The following STX8 variants were observed in gnomAD, a reference collection of about 807,000 sequenced individuals.
STX8 encodes the protein syntaxin 8.
A neutral mutation model predicts 37.5 loss-of-function variants in STX8; 23 were observed. The observed-to-expected ratio is 0.61, with a 90% CI of 0.44 to 0.87. STX8 has a LOEUF of 0.87. Among genes scored for constraint, STX8 ranks in the 40% least tolerant of loss-of-function variants. The pLI is 0.00. For missense variants in STX8, 313 were observed against 284.7 expected, an observed-to-expected ratio of 1.10 and a Z score of -0.71; for synonymous variants, 115 against 99.1, an observed-to-expected ratio of 1.16 and a Z score of -0.95.
intron 7 of STX8, among the ~76,000 whole-genome samples, chr17:9,305,196 G>A (rs1422475313): frequency 6.6e-6 from 1 of 152,002 alleles, no homozygotes; most frequent in African/African-American, 2.4e-5. Context: ...GGGTTCAAGC[G>A]ATTCTCCTGC....
intron 7 of STX8, among the ~76,000 whole-genome samples, chr17:9,343,778 T>C (rs942540373): frequency 6.6e-6 from 1 of 152,100 alleles, no homozygotes; most frequent in African/African-American, 2.4e-5. Context: ...CCTCCCCATC[T>C]GCCGGATAGG....
chr17:9,534,073 AT>A (rs1905927986), intron 4 of STX8, among the ~76,000 whole-genome samples: 1 of 152,224 alleles, frequency 6.6e-6, no homozygotes, highest in Non-Finnish European at 1.5e-5. Context: ...TTAAAAAGAA[AT>A]AACTGAAAAA....
intron 6 of STX8, among the ~76,000 whole-genome samples, chr17:9,468,583 C>T (rs1051614163): frequency 5.9e-5 from 9 of 152,222 alleles, no homozygotes; most frequent in Non-Finnish European, 1.2e-4. Flanking sequence ...CAATATCCCA[C>T]GTGTGGCAGG....
At chr17:9,559,760 A>ATATATATATATATATATATATTT in intron 2 of STX8, among the ~76,000 whole-genome samples, 1 of 24,492 alleles carries the variant, frequency 4.1e-5, no homozygotes, top group African/African-American at 1.9e-4. Context: ...ATATATATAT[A>ATATATATATATATATATATATTT]TTTTTTTTTT....
At chr17:9,494,232 G>C (rs973403021) in intron 5 of STX8, among the ~76,000 whole-genome samples, 2 of 151,594 alleles carry the variant, frequency 1.3e-5, no homozygotes, top group African/African-American at 4.8e-5. Context: ...AGCCAGGATG[G>C]TCTCGAGCTC....
chr17:9,494,615 CAAAAAAAAAA>C (rs35806606), intron 5 of STX8, among the ~76,000 whole-genome samples: 13 of 64,310 alleles, frequency 2.0e-4, no homozygotes, highest in East Asian at 1.9e-3. Flanking sequence ...GAACCTGTCT[CAAAAAAAAAA>C]AAAAAAAAAA....
intron 7 of STX8, among the ~76,000 whole-genome samples, chr17:9,324,151 CACACAA>C (rs1217245536): frequency 2.9e-3 from 416 of 141,432 alleles, no homozygotes; most frequent in Middle Eastern, 0.011. Flanking sequence ...CACACACACA[CACACAA>C]ACACAAACAC....
Position 9,559,760 on chromosome 17 carries a change from A to ATATATTTTTTTT in STX8, c.118-2233_118-2232insAAAAAAAATATA. On this transcript the variant is annotated intron_variant, in intron 2 of 7. Coordinates refer to ENST00000306357, the MANE Select transcript of STX8 (RefSeq NM_004853.3). ...TATATATATATATATATATATATAT[A>ATATATTTTTTTT]TTTTTTTTTTTTTTTTTTTTGAGAC... 8.0e-3 allele frequency among the ~76,000 whole-genome samples: 197 copies of ATATATTTTTTTT among 24,496 alleles called. 12 individuals carry two copies. The East Asian group carries it at 0.086, about 11-fold the overall frequency. 16.1% of individuals were successfully genotyped at this position (24,496 alleles called of 152,430 possible). A position where few individuals can be genotyped will look rare whatever the true frequency, so the allele number is the denominator to read the frequency against.
At chr17:9,397,373 G>A (rs1912440574) in intron 6 of STX8, among the ~76,000 whole-genome samples, 2 of 152,302 alleles carry the variant, frequency 1.3e-5, no homozygotes, top group South Asian at 4.1e-4. Context: ...TCCAGCCTGG[G>A]TGACAAGAGC....
intron 7 of STX8, among the ~76,000 whole-genome samples, chr17:9,268,721 AC>A (rs909137334): frequency 2.0e-5 from 3 of 152,086 alleles, no homozygotes; most frequent in African/African-American, 7.2e-5. Context: ...GTGCTCTTCA[AC>A]CCCGACTCAG....
chr17:9,345,474 T>C (rs539665492), intron 7 of STX8, among the ~76,000 whole-genome samples: 3 of 152,112 alleles, frequency 2.0e-5, no homozygotes, highest in Non-Finnish European at 2.9e-5. Context: ...CTTTACCTGG[T>C]TGCCATTTGA....
chr17:9,568,306 T>C (rs374364184), intron 2 of STX8, 65 bp downstream of exon 2: 103 of 1,211,970 alleles, frequency 8.5e-5, no homozygotes, highest in African/African-American at 6.7e-4. Flanking sequence ...CAAAGAAAGA[T>C]AGGAGGGTTT....
At position 9,562,975 on chromosome 17, in the gene STX8, C is replaced by T. The variant is rs73252153; in HGVS notation, c.117+5396G>A. 8.3e-3 allele frequency among the ~76,000 whole-genome samples: 1,258 copies of T among 152,134 alleles called. 19 individuals carry two copies. The highest frequency in any genetic ancestry group is 0.029 in the African/African-American group (1,210 of 41,494). On this transcript the variant is annotated intron_variant, in intron 2 of 7. Transcript: ENST00000306357. ...GTTATTCACAACTCAAGACTGGAAG[C>T]AATTTAACTGCCTTTCCTTAGGAGA...
chr17:9,441,508 T>C (rs1175261790), intron 6 of STX8, among the ~76,000 whole-genome samples: 1 of 149,972 alleles, frequency 6.7e-6, no homozygotes, highest in African/African-American at 2.5e-5. Flanking sequence ...AAAAAGAAAC[T>C]GAGTCAAATA....
intron 7 of STX8, among the ~76,000 whole-genome samples, chr17:9,371,650 T>C (rs768685364): frequency 2.0e-5 from 3 of 149,326 alleles, no homozygotes; most frequent in Non-Finnish European, 3.0e-5. Context: ...TTTTTTTTTC[T>C]TTCTTCTGGT....
At chr17:9,504,334 GT>G (rs1295686232) in intron 5 of STX8, among the ~76,000 whole-genome samples, 2 of 147,584 alleles carry the variant, frequency 1.4e-5, no homozygotes, top group African/African-American at 2.5e-5. Flanking sequence ...ATATAAGAAA[GT>G]TTAAAAAAAA....
intron 7 of STX8, among the ~76,000 whole-genome samples, chr17:9,310,672 G>A (rs980441782): frequency 1.3e-5 from 2 of 152,112 alleles, no homozygotes; most frequent in Non-Finnish European, 2.9e-5. Context: ...GGTGGTCCAC[G>A]GAGATCTGTT....
chr17:9,326,441 C>A (rs1304903471), intron 7 of STX8, among the ~76,000 whole-genome samples: 2 of 152,308 alleles, frequency 1.3e-5, no homozygotes, highest in East Asian at 3.9e-4. Context: ...GTTTTCTAGC[C>A]TGTTCATCTA....
intron 6 of STX8, among the ~76,000 whole-genome samples, chr17:9,475,080 AAG>A (rs1418976991): frequency 6.6e-6 from 1 of 152,194 alleles, no homozygotes; most frequent in Admixed American, 6.5e-5. Context: ...AAAAATGCAA[AAG>A]AGAGAGACTT....
Sources: allele counts gnomAD v4.1 joint callset (sites outside exome capture counted in the v4.1 genomes callset), GRCh38; gene constraint gnomAD v4.1.1; transcripts MANE v1.5; gene names NCBI Gene and HGNC (gene_info 2026-07-23, HGNC 2026-07-21).